The following NPY4R variants were observed in gnomAD, a reference collection of about 807,000 sequenced individuals.
NPY4R encodes neuropeptide Y receptor Y4, also known as neuropeptide Y receptor type 4.
A neutral mutation model predicts 11.9 loss-of-function variants in NPY4R; 2 were observed. The ratio of observed to expected loss-of-function variants is 0.17; its 90% CI spans 0.07 to 0.53. The LOEUF is 0.53. Among genes scored for constraint, NPY4R ranks in the 20% least tolerant of loss-of-function variants. The probability of loss-of-function intolerance (pLI) is 0.94; values close to 1 mark genes in which losing one functional copy is unlikely to be tolerated. For synonymous variants in NPY4R, 8 were observed against 121.7 expected, an observed-to-expected ratio of 0.07 and a Z score of 6.15; for missense variants, 26 against 280.2, an observed-to-expected ratio of 0.09 and a Z score of 6.48.
chr10:46,466,268 CTTTCTTTCTTTCTTTCTCT>C (rs1841044721), upstream of NPY4R, among the ~76,000 whole-genome samples: 1 of 65,472 alleles, frequency 1.5e-5, no homozygotes, highest in Non-Finnish European at 2.8e-5. Context: ...TCTTTCCTTT[CTTTCTTTCTTTCTTTCTCT>C]CTCTCTCTCT....
At chr10:46,467,732 A>G (rs528059184), upstream of NPY4R, among the ~76,000 whole-genome samples, 5 of 125,404 alleles carry the variant, frequency 4.0e-5, no homozygotes, top group South Asian at 1.1e-3. Context: ...ATCAGAGAAC[A>G]TTGCTTGACC....
At chr10:46,466,270 TTCTTTCTTTCTTTCTCTCTCTCTC>T (rs1841045161), upstream of NPY4R, among the ~76,000 whole-genome samples, 3 of 83,890 alleles carry the variant, frequency 3.6e-5, no homozygotes, top group African/African-American at 1.1e-4. Flanking sequence ...TTTCCTTTCT[TTCTTTCTTTCTTTCTCTCTCTCTC>T]TCTCTCTCCC....
Position 46,461,243 on chromosome 10 carries a change from C to T in NPY4R, c.*265G>A, listed in dbSNP as rs1465889722. ...AACCCTGCCTGCTGCCAGCAGACAT[C>T]TCCGGCTCTGGCATCTTTCAGCTCA... On this transcript the variant is annotated 3_prime_UTR_variant, in exon 3 of 3. Transcript: ENST00000374312. The T allele has an allele frequency of 9.1e-6, 1 of 109,648 alleles. No homozygotes were observed. Among genetic ancestry groups the T allele is most frequent in the Non-Finnish European group, 2.0e-5 (1 of 51,196 alleles). 6.8% of individuals were successfully genotyped at this position (109,648 alleles called of 1,614,324 possible).
upstream of NPY4R, among the ~76,000 whole-genome samples, chr10:46,466,251 CTTTCTTTCTTTCCTTTCTTTCTTTCTT>C (rs1841037506): frequency 2.9e-5 from 2 of 68,450 alleles, no homozygotes; most frequent in African/African-American, 1.9e-4. Context: ...TTCTTTCTTT[CTTTCTTTCTTTCCTTTCTTTCTTTCTT>C]TCTTTCTCTC....
intron 1 of NPY4R, among the ~76,000 whole-genome samples, chr10:46,464,359 ACT>A (rs1202311574): frequency 1.0e-5 from 1 of 98,890 alleles, no homozygotes; most frequent in East Asian, 2.1e-4. Context: ...ACAGAGCGAG[ACT>A]CTGTCTCAAA....
chr10:46,466,272 CTTTCTTTCTT>C (rs1841046039), upstream of NPY4R, among the ~76,000 whole-genome samples: 6 of 66,024 alleles, frequency 9.1e-5, no homozygotes, highest in African/African-American at 4.1e-4. Context: ...TCCTTTCTTT[CTTTCTTTCTT>C]TCTCTCTCTC....
upstream of NPY4R, among the ~76,000 whole-genome samples, chr10:46,466,244 TTTCTTTC>T (rs1841033579): frequency 1.4e-5 from 1 of 72,414 alleles, no homozygotes; most frequent in African/African-American, 8.1e-5. Context: ...TCTTTCTTTC[TTTCTTTC>T]TTTCTTTCTT....
chr10:46,466,240 TTTCTTTCTTTCTTTCTTTCTTTCC>T (rs1841032254), upstream of NPY4R, among the ~76,000 whole-genome samples: 1 of 71,474 alleles, frequency 1.4e-5, no homozygotes, highest in African/African-American at 8.2e-5. Flanking sequence ...TCTTTCTTTC[TTTCTTTCTTTCTTTCTTTCTTTCC>T]TTTCTTTCTT....
At chr10:46,464,063 A>G (rs1406623673) in intron 1 of NPY4R, among the ~76,000 whole-genome samples, 178 bp from the exon 2 acceptor site, 3 of 145,192 alleles carry the variant, frequency 2.1e-5, no homozygotes, top group Admixed American at 2.1e-4. Flanking sequence ...GCACAAGGCC[A>G]AAATCAACCA....
At chr10:46,466,209 T>TTC, upstream of NPY4R, among the ~76,000 whole-genome samples, 1 of 54,186 alleles carries the variant, frequency 1.8e-5, no homozygotes, top group South Asian at 5.1e-4. Context: ...CTTTCTTTCT[T>TTC]TCTTTCTTTC....
upstream of NPY4R, among the ~76,000 whole-genome samples, chr10:46,466,181 C>T (rs1435649256): frequency 9.0e-5 from 2 of 22,326 alleles, no homozygotes; most frequent in East Asian, 1.0e-3. Context: ...CTGTCTTTCT[C>T]TCTTTCTTTC....
chr10:46,462,841 A>G (rs1361339235), intron 2 of NPY4R, 147 bp from the exon 3 acceptor site: 1 of 468,644 alleles, frequency 2.1e-6, no homozygotes, highest in Admixed American at 3.9e-5. Flanking sequence ...ATGGTGAGAC[A>G]TTGGCATCCA....
chr10:46,466,191 CTT>C (rs782363956), upstream of NPY4R, among the ~76,000 whole-genome samples: 1 of 19,884 alleles, frequency 5.0e-5, no homozygotes, highest in African/African-American at 2.7e-4. Flanking sequence ...CTCTTTCTTT[CTT>C]TCTTTCTTTC....
At chr10:46,466,252 T>TTCC (rs1841037706), upstream of NPY4R, among the ~76,000 whole-genome samples, 23 of 72,960 alleles carry the variant, frequency 3.2e-4, no homozygotes, top group East Asian at 6.7e-4. Context: ...TCTTTCTTTC[T>TTCC]TTCTTTCTTT....
chr10:46,466,241 TTC>T (rs1491376885), upstream of NPY4R, among the ~76,000 whole-genome samples: 4 of 67,872 alleles, frequency 5.9e-5, no homozygotes, highest in Admixed American at 3.1e-4. Flanking sequence ...CTTTCTTTCT[TTC>T]TTTCTTTCTT....
At chr10:46,466,204 T>C (rs1441062013), upstream of NPY4R, among the ~76,000 whole-genome samples, 126 of 48,170 alleles carry the variant, frequency 2.6e-3, 1 homozygote, top group African/African-American at 0.014. Context: ...TCTTTCTTTC[T>C]TTCTTTCTTT....
chr10:46,466,239 CTTTCTTTCTTTCTTTCTTTCT>C (rs1841032037), upstream of NPY4R, among the ~76,000 whole-genome samples: 1 of 69,368 alleles, frequency 1.4e-5, no homozygotes, highest in Non-Finnish European at 2.7e-5. Flanking sequence ...TTCTTTCTTT[CTTTCTTTCTTTCTTTCTTTCT>C]TTCCTTTCTT....
upstream of NPY4R, among the ~76,000 whole-genome samples, chr10:46,466,179 CTCTCTTTCTTTCTTTCTTTCTTTCTT>C (rs1841015359): frequency 9.7e-5 from 2 of 20,626 alleles, no homozygotes; most frequent in African/African-American, 1.9e-4. Context: ...CGCTGTCTTT[CTCTCTTTCTTTCTTTCTTTCTTTCTT>C]TCTTTCTTTC....
At chr10:46,466,282 T>TTCTC (rs1160755760), upstream of NPY4R, among the ~76,000 whole-genome samples, 3 of 63,688 alleles carry the variant, frequency 4.7e-5, no homozygotes, top group East Asian at 5.4e-4. Flanking sequence ...CTTTCTTTCT[T>TTCTC]TCTCTCTCTC....
Sources: allele counts gnomAD v4.1 joint callset (sites outside exome capture counted in the v4.1 genomes callset), GRCh38; gene constraint gnomAD v4.1.1; transcripts MANE v1.5; gene names NCBI Gene and HGNC (gene_info 2026-07-23, HGNC 2026-07-21).